Variants in MARVELD1 observed in about 807,000 individuals in gnomAD.
The protein encoded by MARVELD1 is MARVEL domain containing 1.
A neutral mutation model predicts 11.3 loss-of-function variants in MARVELD1; 7 were observed. That is an observed-to-expected ratio of 0.62 (90% CI 0.35 to 1.16). The LOEUF (loss-of-function observed/expected upper bound fraction) is 1.16, where lower values mean the gene tolerates loss of function less well. MARVELD1 is among the 50% of genes most tolerant of loss of function. MARVELD1 has a pLI of 0.02. For synonymous variants in MARVELD1, 119 were observed against 121.4 expected (o/e 0.98, Z 0.13); for missense variants, 216 against 243.8 (o/e 0.89, Z 0.76).
Position 97,714,217 on chromosome 10 carries a change from G to A in MARVELD1, c.341G>A (p.Gly114Asp). ...LAAALYGAAT[G>D]IMSDQMQRHS... ...GCCGCGCTCTACGGCGCCGCCACCG[G>A]CATCATGAGCGACCAGATGCAGCGC... Residue 114 changes from glycine (G) to aspartate (D), a missense_variant, in exon 1 of 2, where the codon GGC (glycine) becomes GAC (aspartate). Physicochemically the swap from Gly to Asp is moderately conservative, Grantham distance 94. Transcript: ENST00000285605. The surrounding 1 kb of genome is among the most constrained non-coding windows in gnomAD (Gnocchi z 7.4). 6.5e-7 allele frequency: 1 copy of A among 1,536,914 alleles called. No homozygotes were observed. The highest frequency in any genetic ancestry group is 8.7e-7 in the Non-Finnish European group (1 of 1,146,660).
chr10:97,714,377 G>C lies in MARVELD1; in HGVS notation c.501G>C (p.Gln167His). 1 of 1,525,494 alleles carries C rather than the reference G, an allele frequency of 6.6e-7. No homozygotes were observed. Among genetic ancestry groups the C allele is most frequent in the Non-Finnish European group, 8.8e-7 (1 of 1,142,704 alleles). The allele number at this position is 1,525,494 out of a possible 1,614,324, so 94.5% of individuals were successfully genotyped here. A position where few individuals can be genotyped will look rare whatever the true frequency, so the allele number is the denominator to read the frequency against. ...TCTATGGCTGCGGGCGTCGCTGCCA[G>C]GGCAAGCAGGAGGTGGCGTGAGGCC... is the stretch of plus-strand genomic sequence containing the variant. Reference protein sequence around the residue: ...SALYGCGRRCQGKQEVA With the variant: ...SALYGCGRRCHGKQEVA The change falls in exon 1 of 2, where the codon CAG (glutamine) becomes CAC (histidine). Residue 167 changes from glutamine to histidine, a missense_variant. Physicochemically the swap from Gln to His is conservative, Grantham distance 24 (BLOSUM62 0). Transcript: ENST00000285605. This position sits in a 1 kb window ranked among gnomAD's most constrained non-coding sequence, Gnocchi z 7.4.
rs1419687206 is a variant in MARVELD1, at chr10:97,714,220, T to C, written c.344T>C (p.Ile115Thr). The change falls in exon 1 of 2, where the codon ATC becomes ACC. Residue 115 changes from isoleucine (I) to threonine (T), a missense_variant. Ile to Thr is a moderately conservative substitution (Grantham distance 89). Transcript: ENST00000285605. This position sits in a 1 kb window ranked among gnomAD's most constrained non-coding sequence, Gnocchi z 7.4. ...GCGCTCTACGGCGCCGCCACCGGCA[T>C]CATGAGCGACCAGATGCAGCGCCAC... The part of the protein sequence containing the change: ...AAALYGAATG[I>T]MSDQMQRHSY... The C allele has an allele frequency of 3.9e-6, 6 of 1,536,898 alleles. No individual in the cohort carries two copies. The South Asian group carries it at 5.9e-5, about 15-fold the overall frequency.
At position 97,714,727 on chromosome 10, in the gene MARVELD1, C is replaced by A. The variant is rs528494697; in HGVS notation, c.*329C>A. 1,713 of 311,394 alleles carry A rather than the reference C, an allele frequency of 5.5e-3. 8 individuals are homozygous for A. Among genetic ancestry groups the A allele is most frequent in the Non-Finnish European group, 8.3e-3 (1,412 of 170,016 alleles). The allele number at this position is 311,394 out of a possible 1,614,324, so 19.3% of individuals were successfully genotyped here. On this transcript the variant is annotated 3_prime_UTR_variant, in exon 1 of 2. Transcript: ENST00000285605. This position sits in a 1 kb window ranked among gnomAD's most constrained non-coding sequence, Gnocchi z 7.4. Reference sequence around the variant, plus strand: ...GAGGCGAAACCTCGCGGTTCCTCTTCCCTTCCCTGCTGAGACTAAGACGTG... The same window carrying A: ...GAGGCGAAACCTCGCGGTTCCTCTTACCTTCCCTGCTGAGACTAAGACGTG...
rs189937422 is a variant in MARVELD1, at chr10:97,717,858, G to T, written c.*2252G>T. The T allele has an allele frequency of 6.6e-6, 1 of 152,458 alleles. No individual in the cohort carries two copies. Among genetic ancestry groups the T allele is most frequent in the East Asian group, 1.9e-4 (1 of 5,170 alleles). 9.4% of individuals were successfully genotyped at this position (152,458 alleles called of 1,614,324 possible). A position where few individuals can be genotyped will look rare whatever the true frequency, so the allele number is the denominator to read the frequency against. On this transcript the variant is annotated 3_prime_UTR_variant, in exon 2 of 2. Coordinates refer to ENST00000285605, the MANE Select transcript of MARVELD1 (RefSeq NM_031484.4). Reference sequence around the variant, plus strand: ...TCCCTCAAGGCCCTGTGCCATAGGGGTGGCCACCCGACCTGCCCCCAGAAC... The same window carrying T: ...TCCCTCAAGGCCCTGTGCCATAGGGTTGGCCACCCGACCTGCCCCCAGAAC...
chr10:97,715,166 T>G lies in MARVELD1; in HGVS notation c.*768T>G, dbSNP rs1341594277. ...TTGCAGGCCAGTGCCAAACACACAC[T>G]AACTGTCCTGGCCTCTCCGTGACAC... is the stretch of plus-strand genomic sequence containing the variant. On this transcript the variant is annotated 3_prime_UTR_variant, in exon 1 of 2. Transcript: ENST00000285605. 6.6e-6 allele frequency: 1 copy of G among 152,426 alleles called. No homozygotes were observed. Among genetic ancestry groups the G allele is most frequent in the African/African-American group, 2.4e-5 (1 of 41,458 alleles). The allele number at this position is 152,426 out of a possible 1,614,324, so 9.4% of individuals were successfully genotyped here. A position where few individuals can be genotyped will look rare whatever the true frequency, so the allele number is the denominator to read the frequency against.
chr10:97,717,868 G>A lies in MARVELD1; in HGVS notation c.*2262G>A, dbSNP rs180685262. 1.9e-3 allele frequency: 294 copies of A among 152,394 alleles called. 1 individual carries two copies. Among genetic ancestry groups the A allele is most frequent in the Middle Eastern group, 0.01 (3 of 294 alleles). 9.4% of individuals were successfully genotyped at this position (152,394 alleles called of 1,614,324 possible). A position where few individuals can be genotyped will look rare whatever the true frequency, so the allele number is the denominator to read the frequency against. ...CCCTGTGCCATAGGGGTGGCCACCC[G>A]ACCTGCCCCCAGAACTTTTGGATAC... On this transcript the variant is annotated 3_prime_UTR_variant, in exon 2 of 2. Transcript: ENST00000285605.
At position 97,714,423 on chromosome 10, in the gene MARVELD1, C is replaced by G. The variant is rs553530921; in HGVS notation, c.*25C>G. 1.4e-6 allele frequency: 2 copies of G among 1,455,826 alleles called. No individual in the cohort carries two copies. Among genetic ancestry groups the G allele is most frequent in the African/African-American group, 1.4e-5 (1 of 70,098 alleles). The allele number at this position is 1,455,826 out of a possible 1,614,324, so 90.2% of individuals were successfully genotyped here. ...AGGCCGCCCGCGCCCGCCGCGGCCC[C>G]GATCGGGGCGGGGGAATCCCCGGAG... is the stretch of plus-strand genomic sequence containing the variant. On this transcript the variant is annotated 3_prime_UTR_variant, in exon 1 of 2. Transcript: ENST00000285605. The surrounding 1 kb of genome is among the most constrained non-coding windows in gnomAD (Gnocchi z 7.4).
chr10:97,716,177 T>C (rs751813413), intron 1 of MARVELD1, among the ~76,000 whole-genome samples, 192 bp downstream of exon 1: 1 of 152,206 alleles, frequency 6.6e-6, no homozygotes, highest in Non-Finnish European at 1.5e-5. Context: ...TGCTCTTTTA[T>C]TTTTTCTTTC....
At position 97,713,937 on chromosome 10, in the gene MARVELD1, C is replaced by A; in HGVS notation, c.61C>A (p.Arg21Ser). 1.4e-6 allele frequency: 2 copies of A among 1,401,624 alleles called. No homozygotes were observed. The highest frequency in any genetic ancestry group is 1.9e-6 in the Non-Finnish European group (2 of 1,079,608). 86.8% of individuals were successfully genotyped at this position (1,401,624 alleles called of 1,614,324 possible). A position where few individuals can be genotyped will look rare whatever the true frequency, so the allele number is the denominator to read the frequency against. Residue 21 changes from arginine (R) to serine (S), a missense_variant, in exon 1 of 2, where the codon CGC becomes AGC. By Grantham distance (110) the Arg-to-Ser change is moderately radical. Coordinates refer to ENST00000285605, the MANE Select transcript of MARVELD1 (RefSeq NM_031484.4). The surrounding 1 kb of genome is among the most constrained non-coding windows in gnomAD (Gnocchi z 5.7). ...PQARAARGAV[R>S]LQRPFLRSPL... ...GGCGCGTGCGGCCCGCGGCGCGGTG[C>A]GCCTGCAGCGGCCCTTCCTGCGCAG...
At position 97,713,817 on chromosome 10, in the gene MARVELD1, C is replaced by A; in HGVS notation, c.-60C>A. ...ACCTGGGCCGTGCTGCCCCCGCGAG[C>A]AAGGCGCCGCCATTCCGCTGCTCGG... On this transcript the variant is annotated 5_prime_UTR_variant, in exon 1 of 2. Coordinates refer to ENST00000285605, the MANE Select transcript of MARVELD1 (RefSeq NM_031484.4). This position sits in a 1 kb window ranked among gnomAD's most constrained non-coding sequence, Gnocchi z 5.7. The A allele has an allele frequency of 7.9e-6, 2 of 252,542 alleles. No homozygotes were observed. Among genetic ancestry groups the A allele is most frequent in the Non-Finnish European group, 6.2e-6 (1 of 161,124 alleles). The allele number at this position is 252,542 out of a possible 1,614,324, so 15.6% of individuals were successfully genotyped here.
rs2041897154 is a variant in MARVELD1 at position 97,714,557 on chromosome 10, C to T, written c.*159C>T. The T allele has an allele frequency of 1.8e-6, 1 of 545,758 alleles. No homozygotes were observed. 33.8% of individuals were successfully genotyped at this position (545,758 alleles called of 1,614,324 possible). The stretch of plus-strand genomic sequence containing the variant: ...TGTCGCCCGCGCCCGGGAACCCTGA[C>T]GCTCAGCTCCCGCCCGACGGCAGCG... On this transcript the variant is annotated 3_prime_UTR_variant, in exon 1 of 2. Coordinates refer to ENST00000285605, the MANE Select transcript of MARVELD1 (RefSeq NM_031484.4). The surrounding 1 kb of genome is among the most constrained non-coding windows in gnomAD (Gnocchi z 7.4).
chr10:97,715,540 C>T lies in MARVELD1; in HGVS notation c.*1142C>T, dbSNP rs993767520. ...GCTTATCAAAGACTGAGAAGTCCCGCTGTTACAGAAATAATTTAGTTTGCT... is the reference window on the plus strand; with the variant it reads ...GCTTATCAAAGACTGAGAAGTCCCGTTGTTACAGAAATAATTTAGTTTGCT... On this transcript the variant is annotated 3_prime_UTR_variant, in exon 1 of 2. Transcript: ENST00000285605. 5.3e-5 allele frequency: 8 copies of T among 152,262 alleles called. No individual in the cohort carries two copies. The highest frequency in any genetic ancestry group is 3.9e-4 in the Admixed American group (6 of 15,290). The allele number at this position is 152,262 out of a possible 1,614,324, so 9.4% of individuals were successfully genotyped here. A position where few individuals can be genotyped will look rare whatever the true frequency, so the allele number is the denominator to read the frequency against.
rs960770539 is a variant in MARVELD1 at position 97,714,627 on chromosome 10, C to T, written c.*229C>T. ...CAGCCCAGAATCCCGACCGCCGCGCCGGACGCGCCGTCTCCCGGGACAAGC... is the reference window on the plus strand; with the variant it reads ...CAGCCCAGAATCCCGACCGCCGCGCTGGACGCGCCGTCTCCCGGGACAAGC... On this transcript the variant is annotated 3_prime_UTR_variant, in exon 1 of 2. Coordinates refer to ENST00000285605, the MANE Select transcript of MARVELD1 (RefSeq NM_031484.4). This position sits in a 1 kb window ranked among gnomAD's most constrained non-coding sequence, Gnocchi z 7.4. 8.5e-6 allele frequency: 4 copies of T among 473,088 alleles called. No homozygotes were observed. Among genetic ancestry groups the T allele is most frequent in the Non-Finnish European group, 1.5e-5 (4 of 271,026 alleles). The allele number at this position is 473,088 out of a possible 1,614,324, so 29.3% of individuals were successfully genotyped here.
Position 97,713,917 on chromosome 10 carries a change from G to T in MARVELD1, c.41G>T (p.Arg14Leu), listed in dbSNP as rs1481234767. ...CCGCGCCAGCCGCCGCCCCAGGCGC[G>T]TGCGGCCCGCGGCGCGGTGCGCCTG... ...PPPRQPPPQARAARGAVRLQR... is the reference protein window; with the variant it reads ...PPPRQPPPQALAARGAVRLQR... The change falls in exon 1 of 2, where the codon CGT (arginine) becomes CTT (leucine). Residue 14 changes from arginine to leucine, a missense_variant. Coordinates refer to ENST00000285605, the MANE Select transcript of MARVELD1 (RefSeq NM_031484.4). The surrounding 1 kb of genome is among the most constrained non-coding windows in gnomAD (Gnocchi z 5.7). 1 of 1,255,948 alleles carries T rather than the reference G, an allele frequency of 8.0e-7. No homozygotes were observed. 77.8% of individuals were successfully genotyped at this position (1,255,948 alleles called of 1,614,324 possible).
chr10:97,716,478 C>T (rs1413921706), intron 1 of MARVELD1, among the ~76,000 whole-genome samples: 1 of 152,170 alleles, frequency 6.6e-6, no homozygotes, highest in Non-Finnish European at 1.5e-5. Flanking sequence ...GCCACTGTGC[C>T]TGGCCAGGTC....
intron 1 of MARVELD1, 126 bp downstream of exon 1, chr10:97,716,111 C>T (rs1445105486): frequency 6.6e-6 from 1 of 152,178 alleles, no homozygotes; most frequent in East Asian, 1.9e-4. Context: ...CGGTAATAAC[C>T]ACAATATCTA....
chr10:97,717,014 A>G (rs1353190657), intron 1 of MARVELD1, among the ~76,000 whole-genome samples, 180 bp from the exon 2 acceptor site: 1 of 152,226 alleles, frequency 6.6e-6, no homozygotes, highest in African/African-American at 2.4e-5. Flanking sequence ...TGTATAGTTC[A>G]GTGGCATTAA....
Position 97,713,963 on chromosome 10 carries a change from C to T in MARVELD1, c.87C>T (p.Ser29=). 1 of 1,531,592 alleles carries T rather than the reference C, an allele frequency of 6.5e-7. No individual in the cohort carries two copies. The highest frequency in any genetic ancestry group is 8.7e-7 in the Non-Finnish European group (1 of 1,144,442). 94.9% of individuals were successfully genotyped at this position (1,531,592 alleles called of 1,614,324 possible). A position where few individuals can be genotyped will look rare whatever the true frequency, so the allele number is the denominator to read the frequency against. Residue 29 remains serine (S), a synonymous_variant, in exon 1 of 2, where the codon AGC becomes AGT. Transcript: ENST00000285605. This position sits in a 1 kb window ranked among gnomAD's most constrained non-coding sequence, Gnocchi z 5.7. ...AVRLQRPFLR[S]PLGVLRLLQL... Reference sequence around the variant, plus strand: ...GCCTGCAGCGGCCCTTCCTGCGCAGCCCGCTGGGCGTGTTGCGGCTGCTGC... The same window carrying T: ...GCCTGCAGCGGCCCTTCCTGCGCAGTCCGCTGGGCGTGTTGCGGCTGCTGC...
In MARVELD1 at chr10:97,717,439, G is replaced by C. The variant is rs962040755; in HGVS notation, c.*1833G>C. 2.6e-5 allele frequency: 4 copies of C among 152,170 alleles called. No homozygotes were observed. Among genetic ancestry groups the C allele is most frequent in the Non-Finnish European group, 5.9e-5 (4 of 68,050 alleles). The allele number at this position is 152,170 out of a possible 1,614,324, so 9.4% of individuals were successfully genotyped here. A position where few individuals can be genotyped will look rare whatever the true frequency, so the allele number is the denominator to read the frequency against. Reference sequence around the variant, plus strand: ...TTTGCCTTAACTCAAGAGAATTCCTGTTCTCCTTGTGCTATGATTTGGACA... The same window carrying C: ...TTTGCCTTAACTCAAGAGAATTCCTCTTCTCCTTGTGCTATGATTTGGACA... On this transcript the variant is annotated 3_prime_UTR_variant, in exon 2 of 2. Coordinates refer to ENST00000285605, the MANE Select transcript of MARVELD1 (RefSeq NM_031484.4).
Sources: gnomAD v4.1 joint callset for allele counts (sites outside exome capture counted in the v4.1 genomes callset) on GRCh38, gnomAD v4.1.1 for gene constraint, Gnocchi (gnomAD v3.1) non-coding constraint, MANE v1.5 for transcripts, NCBI Gene and HGNC (gene_info 2026-07-23, HGNC 2026-07-21) for gene names.